The following SLCO2A1 variants were observed in gnomAD, a reference collection of about 807,000 sequenced individuals.
The protein encoded by SLCO2A1 is solute carrier organic anion transporter family member 2A1, also known as matrin F/G 1.
Under a neutral mutation model 71.7 loss-of-function variants are expected in SLCO2A1, and 60 were observed. The observed-to-expected ratio is 0.84, with a 90% CI of 0.68 to 1.04. SLCO2A1 has a LOEUF of 1.04. SLCO2A1 is among the 50% of genes least tolerant of loss of function. The pLI, the probability that SLCO2A1 is intolerant of heterozygous loss-of-function variation, is 0.00. For synonymous variants in SLCO2A1, 308 were observed against 326.7 expected (o/e 0.94, Z 0.62); for missense variants, 745 against 813.4 (o/e 0.92, Z 1.02).
At position 134,007,097 on chromosome 3, in the gene SLCO2A1, T is replaced by C. The variant is rs7630343; in HGVS notation, c.96+22610A>G. On this transcript the variant is annotated intron_variant, in intron 1 of 13. Coordinates refer to ENST00000310926, the MANE Select transcript of SLCO2A1 (RefSeq NM_005630.3). ...ATTTGCAATGTTGAGCATCTTTTCATGTGCCTTTTGGCCACTTGTGTATCA... is the reference window on the plus strand; with the variant it reads ...ATTTGCAATGTTGAGCATCTTTTCACGTGCCTTTTGGCCACTTGTGTATCA... 2.3e-3 allele frequency among the ~76,000 whole-genome samples: 344 copies of C among 152,380 alleles called. 2 individuals are homozygous for C. The highest frequency in any genetic ancestry group is 7.9e-3 in the African/African-American group (328 of 41,590).
rs1003363006 is a variant in SLCO2A1, at chr3:134,006,054, C to A, written c.96+23653G>T. Among the ~76,000 whole-genome samples, 4 of 151,992 alleles carry A rather than the reference C, an allele frequency of 2.6e-5. No individual in the cohort carries two copies. In the South Asian group the frequency reaches 8.3e-4, roughly 32 times the overall value. ...ATGTGTGTAACATAAAACTTGCCAT[C>A]TTACCCTTTTTTATTAATACTATTT... On this transcript the variant is annotated intron_variant, in intron 1 of 13. Coordinates refer to ENST00000310926, the MANE Select transcript of SLCO2A1 (RefSeq NM_005630.3).
chr3:133,981,490 C>T (rs974144373), intron 1 of SLCO2A1, among the ~76,000 whole-genome samples: 1 of 152,134 alleles, frequency 6.6e-6, no homozygotes, highest in Admixed American at 6.5e-5. Context: ...GTGGGAGTGC[C>T]TTTGAAACAC....
At position 133,979,696 on chromosome 3, in the gene SLCO2A1, C is replaced by T. The variant is rs546673545; in HGVS notation, c.97-78G>A. 2.9e-5 allele frequency: 44 copies of T among 1,496,944 alleles called. No individual in the cohort carries two copies. The South Asian group carries it at 3.6e-4, about 12-fold the overall frequency. The allele number at this position is 1,496,944 out of a possible 1,614,324, so 92.7% of individuals were successfully genotyped here. A position where few individuals can be genotyped will look rare whatever the true frequency, so the allele number is the denominator to read the frequency against. ...CCTCCCAGCCATCTGTTAGGGGCCC[C>T]GGCAGGCTGACCTCTGTTTCCTCGC... On this transcript the variant is annotated intron_variant, in intron 1 of 13. Transcript: ENST00000310926.
At chr3:133,938,906 G>C (rs1933344291) in intron 11 of SLCO2A1, among the ~76,000 whole-genome samples, 1 of 152,046 alleles carries the variant, frequency 6.6e-6, no homozygotes, top group African/African-American at 2.4e-5. Flanking sequence ...AGAGAAGGAT[G>C]CTGTGGGTGT....
At chr3:133,951,104 G>A in intron 6 of SLCO2A1, 104 bp downstream of exon 6, 1 of 1,478,690 alleles carries the variant, frequency 6.8e-7, no homozygotes, top group Middle Eastern at 1.7e-4. Context: ...ATTTCACCCT[G>A]AATTTGCTTA....
At position 134,029,844 on chromosome 3, in the gene SLCO2A1, G is replaced by T. The variant is rs1353588719; in HGVS notation, c.-42C>A. The stretch of plus-strand genomic sequence containing the variant: ...CCGGGCGCGGAGTGGCGCGGGGTCG[G>T]GGCGCCTCGGGCTGGAGCGGCCGGG... On this transcript the variant is annotated 5_prime_UTR_variant, in exon 1 of 14. Coordinates refer to ENST00000310926, the MANE Select transcript of SLCO2A1 (RefSeq NM_005630.3). 1 of 1,232,000 alleles carries T rather than the reference G, an allele frequency of 8.1e-7. No individual in the cohort carries two copies. The highest frequency in any genetic ancestry group is 2.2e-5 in the South Asian group (1 of 46,394). 76.3% of individuals were successfully genotyped at this position (1,232,000 alleles called of 1,614,324 possible).
rs532730458 is a variant in SLCO2A1 at position 134,009,608 on chromosome 3, G to C, written c.96+20099C>G. ...CTTGACTGCCCCACGCCCATGAAGG[G>C]CGTAAATGCTCATGTGCCATACAGC... On this transcript the variant is annotated intron_variant, in intron 1 of 13. Coordinates refer to ENST00000310926, the MANE Select transcript of SLCO2A1 (RefSeq NM_005630.3). 3.3e-5 allele frequency among the ~76,000 whole-genome samples: 5 copies of C among 152,358 alleles called. No individual in the cohort carries two copies. The East Asian group carries it at 9.6e-4, about 29-fold the overall frequency.
At chr3:134,004,736 GCCA>G (rs1355034554) in intron 1 of SLCO2A1, among the ~76,000 whole-genome samples, 1 of 152,208 alleles carries the variant, frequency 6.6e-6, no homozygotes. Context: ...GGAGGAAGGG[GCCA>G]CAAGCCAAGG....
In SLCO2A1 at chr3:133,942,611, A is replaced by C. The variant is rs1459620380; in HGVS notation, c.1619T>G (p.Val540Gly). 6.2e-7 allele frequency: 1 copy of C among 1,611,732 alleles called. No homozygotes were observed. Residue 540 changes from valine to glycine, a missense_variant, in exon 11 of 14, where the codon GTT becomes GGT. Physicochemically the swap from Val to Gly is moderately radical, Grantham distance 109. Coordinates refer to ENST00000310926, the MANE Select transcript of SLCO2A1 (RefSeq NM_005630.3). ...CISHNPLYMM[V>G]LRVVNQEEKS... ...ACAGAGGTTTGCCACTCACCGCAGA[A>C]CCATCATGTAGAGGGGGTTGTGGGA...
chr3:134,013,168 C>T (rs1006153282), intron 1 of SLCO2A1, among the ~76,000 whole-genome samples: 3 of 152,178 alleles, frequency 2.0e-5, no homozygotes, highest in Admixed American at 2.0e-4. Flanking sequence ...TAGATGTTTA[C>T]AGTAGACACT....
chr3:133,962,401 A>ATTAAG lies in SLCO2A1; in HGVS notation c.398-7213_398-7209dup, dbSNP rs890897931. Among the ~76,000 whole-genome samples, 54 of 152,270 alleles carry ATTAAG rather than the reference A, an allele frequency of 3.5e-4. 1 individual carries two copies. Among genetic ancestry groups the ATTAAG allele is most frequent in the Admixed American group, 1.4e-3 (21 of 15,302 alleles). On this transcript the variant is annotated intron_variant, in intron 3 of 13. Transcript: ENST00000310926. The stretch of plus-strand genomic sequence containing the variant: ...AGCCAAGTCTTCTAGAATTTAGAAC[A>ATTAAG]TTAAGCTCTTCCCTTATAAAAATAA...
chr3:133,963,339 C>T (rs968127087), intron 3 of SLCO2A1, among the ~76,000 whole-genome samples: 4 of 152,122 alleles, frequency 2.6e-5, no homozygotes, highest in African/African-American at 9.7e-5. Context: ...TCCGTCCCAC[C>T]CCTCGGGATG....
intron 1 of SLCO2A1, among the ~76,000 whole-genome samples, chr3:134,004,240 A>G (rs904084351): frequency 6.6e-6 from 1 of 152,200 alleles, no homozygotes; most frequent in Non-Finnish European, 1.5e-5. Flanking sequence ...AATGCCTTAC[A>G]TGAGAAAAGG....
At chr3:133,991,392 A>C (rs773871522) in intron 1 of SLCO2A1, among the ~76,000 whole-genome samples, 6 of 152,202 alleles carry the variant, frequency 3.9e-5, no homozygotes, top group Non-Finnish European at 8.8e-5. Context: ...CAATGCCCCA[A>C]AGGGGAATGA....
chr3:133,941,050 T>C (rs537355638), intron 11 of SLCO2A1, among the ~76,000 whole-genome samples: 1 of 152,324 alleles, frequency 6.6e-6, no homozygotes, highest in East Asian at 1.9e-4. Flanking sequence ...TTTGTGCTGC[T>C]TTCTGTGCTG....
At position 133,954,852 on chromosome 3, in the gene SLCO2A1, T is replaced by C. The variant is rs570678836; in HGVS notation, c.625+114A>G. On this transcript the variant is annotated intron_variant, in intron 4 of 13. Coordinates refer to ENST00000310926, the MANE Select transcript of SLCO2A1 (RefSeq NM_005630.3). ...CGGATCCCCAGGCCTCTGAACTCAT[T>C]TGCTGGGTTGTAAGCAAAGAGGGTG... 10 of 785,476 alleles carry C rather than the reference T, an allele frequency of 1.3e-5. No homozygotes were observed. In the South Asian group the frequency reaches 1.8e-4, roughly 14 times the overall value. The allele number at this position is 785,476 out of a possible 1,614,324, so 48.7% of individuals were successfully genotyped here. A position where few individuals can be genotyped will look rare whatever the true frequency, so the allele number is the denominator to read the frequency against.
intron 5 of SLCO2A1, 60 bp from the exon 6 acceptor site, chr3:133,951,404 A>G: frequency 6.3e-7 from 1 of 1,592,478 alleles, no homozygotes; most frequent in South Asian, 1.1e-5. Context: ...CTTACTGGAA[A>G]CAGAACCTCT....
intron 12 of SLCO2A1, among the ~76,000 whole-genome samples, chr3:133,937,489 C>T (rs1009635518): frequency 6.6e-6 from 1 of 152,184 alleles, no homozygotes; most frequent in African/African-American, 2.4e-5. Context: ...CTCACCTGGC[C>T]CCAGTAGAGA....
chr3:133,995,362 G>A (rs1934943461), intron 1 of SLCO2A1, among the ~76,000 whole-genome samples: 1 of 152,052 alleles, frequency 6.6e-6, no homozygotes, highest in African/African-American at 2.4e-5. Context: ...TCCTCCCCCT[G>A]TCACTGAGCT....
Sources: allele counts gnomAD v4.1 joint callset (sites outside exome capture counted in the v4.1 genomes callset), GRCh38; gene constraint gnomAD v4.1.1; transcripts MANE v1.5; gene names NCBI Gene and HGNC (gene_info 2026-07-23, HGNC 2026-07-21).